The following AMMECR1 variants were observed in gnomAD, a reference collection of about 807,000 sequenced individuals.
AMMECR1 encodes AMMECR nuclear protein 1, also known as nuclear protein AMMECR1.
Under a neutral mutation model 22.5 loss-of-function variants are expected in AMMECR1, and 3 were observed. The observed-to-expected ratio is 0.13, with a 90% CI of 0.06 to 0.35. AMMECR1 has a LOEUF of 0.35. Ranked by LOEUF, AMMECR1 falls within the 10% of genes least tolerant of loss-of-function variation. The pLI is 1.00. For synonymous variants in AMMECR1, 130 were observed against 116.7 expected, an observed-to-expected ratio of 1.11 and a Z score of -0.74; for missense variants, 235 against 278.7, an observed-to-expected ratio of 0.84 and a Z score of 1.12.
intron 2 of AMMECR1, among the ~76,000 whole-genome samples, chrX:110,367,973 AATTATTATTATTATT>A (rs201193443): frequency 9.4e-5 from 8 of 85,333 alleles, no homozygotes; most frequent in South Asian, 6.2e-4. Context: ...AGTGCTGGCT[AATTATTATTATTATT>A]ATTATTATTA....
chrX:110,240,800 T>C (rs148492761), intron 2 of AMMECR1, among the ~76,000 whole-genome samples: 8,492 of 111,746 alleles, frequency 0.076, 308 homozygotes, highest in African/African-American at 0.12. Flanking sequence ...ATAGCACTTA[T>C]TCTAAAATTG....
intron 2 of AMMECR1, among the ~76,000 whole-genome samples, chrX:110,222,971 A>G (rs2067512170): frequency 9.0e-6 from 1 of 111,382 alleles, no homozygotes. Context: ...AAAAGCCTCT[A>G]CTCTCTATGA....
chrX:110,198,226 C>T lies in AMMECR1; in HGVS notation c.*294G>A. ...GGAGGACAGAAAAACAGAAACCTGA[C>T]TGAGACAGCAAAGCAAAATTCTACA... On this transcript the variant is annotated 3_prime_UTR_variant, in exon 6 of 6. Transcript: ENST00000262844. The T allele has an allele frequency of 6.1e-6, 1 of 164,140 alleles. No individual in the cohort carries two copies. The highest frequency in any genetic ancestry group is 1.2e-4 in the East Asian group (1 of 8,435). The allele number at this position is 164,140 out of a possible 1,213,427, so 13.5% of individuals were successfully genotyped here.
At chrX:110,319,336 A>T (rs947547787), upstream of AMMECR1, among the ~76,000 whole-genome samples, 1 of 112,656 alleles carries the variant, frequency 8.9e-6, no homozygotes, top group Middle Eastern at 4.6e-3. Flanking sequence ...TAAAAACTGC[A>T]GATTGATTTT....
At chrX:110,318,557 C>T (rs1456016109), upstream of AMMECR1, among the ~76,000 whole-genome samples, 2 of 110,421 alleles carry the variant, frequency 1.8e-5, no homozygotes, top group African/African-American at 3.3e-5. Context: ...AGCTCAGTAA[C>T]CCCCCGCCGC....
At chrX:110,337,936 C>G (rs1413690871) in intron 2 of AMMECR1, among the ~76,000 whole-genome samples, 1 of 112,154 alleles carries the variant, frequency 8.9e-6, no homozygotes, top group Admixed American at 9.4e-5. Flanking sequence ...ACCTTGAGGA[C>G]ATTATGCTAA....
chrX:110,199,513 TATC>T (rs1417665310), intron 5 of AMMECR1, among the ~76,000 whole-genome samples: 2 of 111,093 alleles, frequency 1.8e-5, no homozygotes, highest in Admixed American at 9.6e-5. Context: ...TCTATATAGA[TATC>T]CTAAGAAGCA....
At chrX:110,432,363 C>T (rs993740283) in intron 1 of AMMECR1, among the ~76,000 whole-genome samples, 4 of 112,377 alleles carry the variant, frequency 3.6e-5, no homozygotes, top group Admixed American at 2.8e-4. Flanking sequence ...TTAGCTGTGG[C>T]ATCAGCAGCA....
At chrX:110,380,869 G>A (rs2148274193) in intron 2 of AMMECR1, among the ~76,000 whole-genome samples, 1 of 112,527 alleles carries the variant, frequency 8.9e-6, no homozygotes, top group East Asian at 2.8e-4. Context: ...TCAATAAATG[G>A]TGCTGGGATA....
intron 2 of AMMECR1, among the ~76,000 whole-genome samples, chrX:110,403,177 G>A (rs2068576339): frequency 8.9e-6 from 1 of 111,797 alleles, no homozygotes; most frequent in African/African-American, 3.3e-5. Flanking sequence ...GAAAAAGGAA[G>A]GCCAGAGATG....
intron 2 of AMMECR1, among the ~76,000 whole-genome samples, chrX:110,376,573 G>A (rs1042153513): frequency 3.6e-5 from 4 of 112,166 alleles, no homozygotes; most frequent in Non-Finnish European, 5.6e-5. Flanking sequence ...ATCATCTGGG[G>A]CACTGAAAAC....
chrX:110,339,973 T>TACAC (rs35459612), intron 2 of AMMECR1, among the ~76,000 whole-genome samples: 5,186 of 78,723 alleles, frequency 0.066, 135 homozygotes, highest in Middle Eastern at 0.086. Context: ...AGGCAAAACA[T>TACAC]ACACACACAC....
At chrX:110,436,452 T>G (rs2068839023) in intron 1 of AMMECR1, among the ~76,000 whole-genome samples, 1 of 111,971 alleles carries the variant, frequency 8.9e-6, no homozygotes, top group African/African-American at 3.2e-5. Context: ...TTTAGTAAAC[T>G]CTCAGGCTGA....
intron 1 of AMMECR1, among the ~76,000 whole-genome samples, chrX:110,281,116 T>C (rs1036201043): frequency 1.8e-5 from 2 of 112,463 alleles, no homozygotes; most frequent in African/African-American, 6.5e-5. Context: ...TTTTAATTGG[T>C]GGCAGCTGCT....
intron 2 of AMMECR1, among the ~76,000 whole-genome samples, chrX:110,248,735 C>G (rs2067672017): frequency 8.9e-6 from 1 of 112,298 alleles, no homozygotes; most frequent in Admixed American, 9.4e-5. Context: ...TAAATGTCTA[C>G]CTTTTGGCCA....
intron 1 of AMMECR1, among the ~76,000 whole-genome samples, chrX:110,267,413 T>C (rs1442413004): frequency 9.0e-6 from 1 of 110,601 alleles, no homozygotes; most frequent in Non-Finnish European, 1.9e-5. Context: ...AAAAAAACTT[T>C]ATTTTTTGAT....
chrX:110,392,428 C>T (rs976317860), intron 2 of AMMECR1, among the ~76,000 whole-genome samples: 5 of 110,226 alleles, frequency 4.5e-5, no homozygotes, highest in African/African-American at 1.3e-4. Context: ...AGTCATGTGC[C>T]GTCATGCCTG....
rs989545178 is a variant in AMMECR1 at position 110,409,833 on chromosome X, T to C, written c.-148+16825A>G. ...GGCAGCACCTCACTTAGAGATATGG[T>C]ACATAAGTACAGAGGGAGGTATTGA... On this transcript the variant is annotated intron_variant, in intron 2 of 7. Transcript: ENST00000372057. Among the ~76,000 whole-genome samples, 7 of 111,293 alleles carry C rather than the reference T, an allele frequency of 6.3e-5. No homozygotes were observed. In the South Asian group the frequency reaches 2.7e-3, roughly 42 times the overall value.
chrX:110,398,645 G>T (rs2068543900), intron 2 of AMMECR1, among the ~76,000 whole-genome samples: 1 of 111,845 alleles, frequency 8.9e-6, no homozygotes, highest in African/African-American at 3.2e-5. Flanking sequence ...CATAAATCCA[G>T]TTAGATCTTA....
Sources: gnomAD v4.1 joint callset for allele counts (sites outside exome capture counted in the v4.1 genomes callset) on GRCh38, gnomAD v4.1.1 for gene constraint, MANE v1.5 for transcripts, NCBI Gene and HGNC (gene_info 2026-07-23, HGNC 2026-07-21) for gene names.